The following RPS6KA2 variants were observed in gnomAD, a reference collection of about 807,000 sequenced individuals.
The protein encoded by RPS6KA2 is ribosomal protein S6 kinase A2, also known as ribosomal protein S6 kinase alpha-2.
RPS6KA2 carries 42 observed loss-of-function variants against 91.8 expected under a neutral mutation model. That is an observed-to-expected ratio of 0.46 (90% confidence interval 0.36 to 0.59). The LOEUF is 0.59. Ranked by LOEUF, RPS6KA2 falls within the 20% of genes least tolerant of loss-of-function variation. The pLI is 0.00. For missense variants in RPS6KA2, 798 were observed against 978.5 expected, an observed-to-expected ratio of 0.82 and a Z score of 2.46; for synonymous variants, 414 against 393.6, an observed-to-expected ratio of 1.05 and a Z score of -0.61.
At position 166,742,596 on chromosome 6, in the gene RPS6KA2, C is replaced by T. The variant is rs537902671; in HGVS notation, c.123+115604G>A. ...CACGGGAGGGGAGGACGGCTCTAAG[C>T]TGTACTGCATCCTAGGTCCTTCATC... is the stretch of plus-strand genomic sequence containing the variant. On this transcript the variant is annotated intron_variant, in intron 2 of 21. Transcript: ENST00000503859. 5.4e-4 allele frequency among the ~76,000 whole-genome samples: 82 copies of T among 152,288 alleles called. 1 individual carries two copies. The highest frequency in any genetic ancestry group is 1.9e-3 in the African/African-American group (80 of 41,542).
At chr6:166,780,630 T>A (rs1329843383) in intron 2 of RPS6KA2, among the ~76,000 whole-genome samples, 2 of 152,054 alleles carry the variant, frequency 1.3e-5, no homozygotes, top group African/African-American at 4.8e-5. Flanking sequence ...GGAGAAAACA[T>A]CATTCAGTGT....
intron 2 of RPS6KA2, among the ~76,000 whole-genome samples, chr6:166,689,169 T>C (rs192410826): frequency 6.6e-6 from 1 of 152,342 alleles, no homozygotes; most frequent in East Asian, 1.9e-4. Flanking sequence ...AGCCCTCGCT[T>C]TCTCAGTGCC....
chr6:166,444,626 C>A (rs1387986530), intron 14 of RPS6KA2, among the ~76,000 whole-genome samples: 3 of 152,166 alleles, frequency 2.0e-5, no homozygotes, highest in Non-Finnish European at 2.9e-5. Context: ...GAAACAGTGC[C>A]GTGCGCGTGA....
chr6:166,679,881 T>C (rs1050745344), intron 2 of RPS6KA2, among the ~76,000 whole-genome samples: 2 of 152,184 alleles, frequency 1.3e-5, no homozygotes, highest in Admixed American at 6.5e-5. Flanking sequence ...CTGGGCTTGA[T>C]GGGGGACGAG....
rs1040585137 is a variant in RPS6KA2, at chr6:166,596,941, G to A, written c.99+29980C>T. 3.3e-5 allele frequency among the ~76,000 whole-genome samples: 5 copies of A among 152,074 alleles called. No homozygotes were observed. In the South Asian group the frequency reaches 6.2e-4, roughly 19 times the overall value. On this transcript the variant is annotated intron_variant, in intron 1 of 20. Coordinates refer to ENST00000265678, the MANE Select transcript of RPS6KA2 (RefSeq NM_021135.6). ...GCTATGTAGGGGTGAGGGGGATTTCGAGGGGACTGTGGTGATTCACCACAG... is the reference window on the plus strand; with the variant it reads ...GCTATGTAGGGGTGAGGGGGATTTCAAGGGGACTGTGGTGATTCACCACAG...
At chr6:166,680,158 C>T (rs1788747779) in intron 2 of RPS6KA2, among the ~76,000 whole-genome samples, 1 of 152,038 alleles carries the variant, frequency 6.6e-6, no homozygotes, top group Non-Finnish European at 1.5e-5. Flanking sequence ...ACGCACCAAT[C>T]AGCACTCTGT....
rs1778333064 is a variant in RPS6KA2 at position 166,767,172 on chromosome 6, C to A, written c.123+91028G>T. On this transcript the variant is annotated intron_variant, in intron 2 of 21. Coordinates refer to the RPS6KA2 transcript ENST00000503859. This position sits in a 1 kb window ranked among gnomAD's most constrained non-coding sequence, Gnocchi z 4.6. ...TCTGAAAACAGACTGAAGAACCAGA[C>A]TTTTGTATTTTATCCCCTAGACTCT... Among the ~76,000 whole-genome samples, 2 of 152,220 alleles carry A rather than the reference C, an allele frequency of 1.3e-5. No individual in the cohort carries two copies. Among genetic ancestry groups the A allele is most frequent in the South Asian group, 4.1e-4 (2 of 4,834 alleles).
intron 10 of RPS6KA2, among the ~76,000 whole-genome samples, chr6:166,480,695 A>G (rs1051492492): frequency 6.6e-6 from 1 of 151,598 alleles, no homozygotes; most frequent in African/African-American, 2.4e-5. Flanking sequence ...TTATATTTTT[A>G]GTAGAGATGA....
At chr6:166,543,671 T>C (rs1438234442) in intron 1 of RPS6KA2, among the ~76,000 whole-genome samples, 4 of 152,180 alleles carry the variant, frequency 2.6e-5, no homozygotes, top group African/African-American at 9.7e-5. Context: ...CTCCATGTAG[T>C]TACCCCCTTG....
At chr6:166,686,003 T>C (rs57629699) in intron 2 of RPS6KA2, among the ~76,000 whole-genome samples, 11 of 152,166 alleles carry the variant, frequency 7.2e-5, no homozygotes, top group Non-Finnish European at 1.2e-4. Flanking sequence ...GTGAGGTCTT[T>C]ACATTCACAG....
chr6:166,527,421 C>T (rs1222846221), intron 3 of RPS6KA2, among the ~76,000 whole-genome samples: 1 of 152,218 alleles, frequency 6.6e-6, no homozygotes, highest in African/African-American at 2.4e-5. Context: ...CCCGCATCCA[C>T]TTGCCTTTGT....
intron 14 of RPS6KA2, among the ~76,000 whole-genome samples, chr6:166,446,343 G>A (rs1007576229): frequency 2.0e-4 from 31 of 152,252 alleles, no homozygotes; most frequent in Non-Finnish European, 4.3e-4. Context: ...ACCTTCCCGT[G>A]CTCGGTTAAT....
intron 2 of RPS6KA2, among the ~76,000 whole-genome samples, chr6:166,756,842 G>A (rs1052545993): frequency 4.6e-5 from 7 of 152,068 alleles, no homozygotes; most frequent in South Asian, 2.1e-4. Context: ...GCGAAACTCC[G>A]TCTCAAAAAA....
chr6:166,699,388 CA>C (rs140661320), intron 2 of RPS6KA2, among the ~76,000 whole-genome samples: 1 of 151,544 alleles, frequency 6.6e-6, no homozygotes, highest in Non-Finnish European at 1.5e-5. Context: ...GATAAAACTA[CA>C]AAAAAAACTT....
At chr6:166,575,646 G>A (rs1308681457) in intron 1 of RPS6KA2, among the ~76,000 whole-genome samples, 2 of 151,948 alleles carry the variant, frequency 1.3e-5, no homozygotes, top group East Asian at 1.9e-4. Context: ...ATTATTAAAC[G>A]TTTTACCTCA....
chr6:166,764,294 CA>C (rs1321630287), intron 2 of RPS6KA2, among the ~76,000 whole-genome samples: 1 of 152,060 alleles, frequency 6.6e-6, no homozygotes, highest in Non-Finnish European at 1.5e-5. Context: ...GGAAGGACAC[CA>C]GGGGGCGCGT....
chr6:166,837,629 G>A (rs1019327998), intron 2 of RPS6KA2, among the ~76,000 whole-genome samples: 2 of 152,210 alleles, frequency 1.3e-5, no homozygotes, highest in Non-Finnish European at 2.9e-5. Context: ...GGCTGGTGCT[G>A]GGCCCACACC....
chr6:166,742,350 T>G (rs941123400), intron 2 of RPS6KA2, among the ~76,000 whole-genome samples: 1 of 152,178 alleles, frequency 6.6e-6, no homozygotes, highest in African/African-American at 2.4e-5. Context: ...CGAAAACATT[T>G]ATTGCTGAGG....
intron 1 of RPS6KA2, among the ~76,000 whole-genome samples, chr6:166,585,498 C>CTTTTTTTTTTT (rs58153048): frequency 9.4e-4 from 81 of 86,246 alleles, no homozygotes; most frequent in East Asian, 2.3e-3. Flanking sequence ...TCAAACAAGT[C>CTTTTTTTTTTT]TTTTTTTTTT....
Sources: gnomAD v4.1 joint callset for allele counts (sites outside exome capture counted in the v4.1 genomes callset) on GRCh38, gnomAD v4.1.1 for gene constraint, Gnocchi (gnomAD v3.1) non-coding constraint, MANE v1.5 for transcripts, NCBI Gene and HGNC (gene_info 2026-07-23, HGNC 2026-07-21) for gene names.